Variants in SCHIP1 observed in about 807,000 individuals in gnomAD.
The protein encoded by SCHIP1 is schwannomin interacting protein 1, also known as schwannomin-interacting protein 1.
SCHIP1 carries 8 observed loss-of-function variants against 29.7 expected under a neutral mutation model. The ratio of observed to expected loss-of-function variants is 0.27; its 90% CI spans 0.16 to 0.49. The LOEUF (loss-of-function observed/expected upper bound fraction) is 0.49. Among genes scored for constraint, SCHIP1 ranks in the 20% least tolerant of loss-of-function variants. The pLI, the probability that SCHIP1 is intolerant of heterozygous loss-of-function variation, is 0.99. For missense variants in SCHIP1, 193 were observed against 294.6 expected (o/e 0.66, Z 2.52); for synonymous variants, 76 against 94.9 (o/e 0.80, Z 1.16).
At chr3:159,274,367 A>G in the SCHIP1 span, 1 of 976,716 alleles carries the variant, frequency 1.0e-6, no homozygotes, top group Non-Finnish European at 1.2e-6. Context: ...ATGTCAATAC[A>G]TGGGAGATAT....
chr3:159,740,106 C>A, the SCHIP1 span, among the ~76,000 whole-genome samples: 2 of 152,352 alleles, frequency 1.3e-5, no homozygotes, highest in Admixed American at 1.3e-4. Context: ...CAGCAAGTGG[C>A]CCCCAGACTG....
chr3:159,821,968 C>T, the SCHIP1 span, among the ~76,000 whole-genome samples: 3 of 152,206 alleles, frequency 2.0e-5, no homozygotes, highest in Admixed American at 6.5e-5. Context: ...AGAGATGATT[C>T]GGTCCTGCAT....
chr3:159,320,254 A>G, the SCHIP1 span, among the ~76,000 whole-genome samples: 2 of 152,314 alleles, frequency 1.3e-5, no homozygotes, highest in African/African-American at 4.8e-5. Flanking sequence ...CTGAAAAAAC[A>G]TGTGTAGTGC....
chr3:159,507,896 G>A, the SCHIP1 span, among the ~76,000 whole-genome samples: 134 of 152,204 alleles, frequency 8.8e-4, 1 homozygote, highest in African/African-American at 2.9e-3. Flanking sequence ...TTTTTGCATC[G>A]ATATTCATCA....
chr3:159,346,795 C>CT, the SCHIP1 span, among the ~76,000 whole-genome samples: 2 of 152,072 alleles, frequency 1.3e-5, no homozygotes, highest in Non-Finnish European at 2.9e-5. Flanking sequence ...ATAAACAAGA[C>CT]TTTTTTGTAA....
chr3:159,585,578 CTGAGTT>C, the SCHIP1 span, among the ~76,000 whole-genome samples: 3 of 152,114 alleles, frequency 2.0e-5, no homozygotes, highest in African/African-American at 7.2e-5. Flanking sequence ...GTTGTGATTT[CTGAGTT>C]TTTCAAATAA....
At chr3:159,675,348 G>T in the SCHIP1 span, among the ~76,000 whole-genome samples, 1 of 152,326 alleles carries the variant, frequency 6.6e-6, no homozygotes, top group East Asian at 1.9e-4. Context: ...AGCTACAGAT[G>T]TATTCTAATG....
At chr3:159,707,927 C>T in the SCHIP1 span, among the ~76,000 whole-genome samples, 1 of 152,206 alleles carries the variant, frequency 6.6e-6, no homozygotes, top group African/African-American at 2.4e-5. Context: ...GAAGCACTCT[C>T]TTCTCTCTGG....
chr3:159,323,171 G>A, the SCHIP1 span, among the ~76,000 whole-genome samples: 1 of 152,078 alleles, frequency 6.6e-6, no homozygotes, highest in Non-Finnish European at 1.5e-5. Flanking sequence ...TATCTCAATG[G>A]GGAAATGACT....
At position 159,843,665 on chromosome 3, in the gene SCHIP1, T is replaced by C. The variant is rs190746253; in HGVS notation, c.30+3451T>C. On this transcript the variant is annotated intron_variant, in intron 1 of 6. Coordinates refer to ENST00000445224, the Ensembl canonical transcript of SCHIP1. ...GAAACCCCATCTCTACTAAAAAAAA[T>C]ACAAAAAATCAGCCGGCCAAGGTGG... 1.5e-3 allele frequency among the ~76,000 whole-genome samples: 233 copies of C among 151,468 alleles called. 1 individual carries two copies. In the Middle Eastern group the frequency reaches 0.017, roughly 11 times the overall value.
At chr3:159,838,272 A>G (rs910862478), upstream of SCHIP1, among the ~76,000 whole-genome samples, 1 of 152,250 alleles carries the variant, frequency 6.6e-6, no homozygotes. Flanking sequence ...CACAAAACAG[A>G]TAAGTTATTA....
the SCHIP1 span, among the ~76,000 whole-genome samples, chr3:159,647,550 C>T: frequency 6.6e-6 from 1 of 152,152 alleles, no homozygotes; most frequent in Non-Finnish European, 1.5e-5. Flanking sequence ...ATTCCCATGA[C>T]AACTCTGTCC....
the SCHIP1 span, among the ~76,000 whole-genome samples, chr3:159,686,030 G>C: frequency 3.3e-5 from 5 of 152,138 alleles, no homozygotes; most frequent in African/African-American, 9.7e-5. Context: ...TGGATTCCTG[G>C]TGTGAGGCAG....
At chr3:159,534,118 T>G in the SCHIP1 span, among the ~76,000 whole-genome samples, 1 of 152,232 alleles carries the variant, frequency 6.6e-6, no homozygotes, top group Non-Finnish European at 1.5e-5. Context: ...ATGTACATTC[T>G]GTTTATTTCA....
At chr3:159,558,146 A>C in the SCHIP1 span, among the ~76,000 whole-genome samples, 1 of 152,232 alleles carries the variant, frequency 6.6e-6, no homozygotes, top group Non-Finnish European at 1.5e-5. Flanking sequence ...GACAAGCATC[A>C]AAAGCCATAA....
chr3:159,355,304 T>G, the SCHIP1 span, among the ~76,000 whole-genome samples: 3 of 152,072 alleles, frequency 2.0e-5, no homozygotes, highest in East Asian at 5.8e-4. Context: ...GACCTAACAA[T>G]GTACTCCCTG....
the SCHIP1 span, among the ~76,000 whole-genome samples, chr3:159,724,325 A>G: frequency 6.6e-6 from 1 of 152,176 alleles, no homozygotes; most frequent in Non-Finnish European, 1.5e-5. Context: ...GTTAGGAGGA[A>G]GGGCAGGGAA....
At chr3:159,444,170 G>A in the SCHIP1 span, among the ~76,000 whole-genome samples, 9 of 152,268 alleles carry the variant, frequency 5.9e-5, no homozygotes, top group Non-Finnish European at 1.0e-4. Flanking sequence ...TGAGCAAGGG[G>A]AGCGCAATCC....
chr3:159,318,814 G>A, the SCHIP1 span, among the ~76,000 whole-genome samples: 2 of 152,178 alleles, frequency 1.3e-5, no homozygotes, highest in African/African-American at 4.8e-5. Context: ...TTTATGGCTA[G>A]ATGGGTCATA....
Sources: gnomAD v4.1 joint callset for allele counts (sites outside exome capture counted in the v4.1 genomes callset) on GRCh38, gnomAD v4.1.1 for gene constraint, MANE v1.5 for transcripts, NCBI Gene and HGNC (gene_info 2026-07-23, HGNC 2026-07-21) for gene names.